Variants in DHRS9 observed in about 807,000 individuals in gnomAD.
The protein encoded by DHRS9 is dehydrogenase/reductase SDR family member 9.
Under a neutral mutation model 26.6 loss-of-function variants are expected in DHRS9, and 18 were observed. The observed-to-expected ratio is 0.68, with a 90% CI of 0.47 to 1.00. The LOEUF is 1.00. Among genes scored for constraint, DHRS9 ranks in the 50% least tolerant of loss-of-function variants. DHRS9 has a pLI of 0.00. For missense variants in DHRS9, 425 were observed against 378.7 expected, an observed-to-expected ratio of 1.12 and a Z score of -1.01; for synonymous variants, 134 against 141.1, an observed-to-expected ratio of 0.95 and a Z score of 0.36.
At chr2:169,068,498 G>A (rs964607038), upstream of DHRS9, among the ~76,000 whole-genome samples, 1 of 152,050 alleles carries the variant, frequency 6.6e-6, no homozygotes, top group Non-Finnish European at 1.5e-5. Context: ...CTAATTTTTT[G>A]TATTTTTAGT....
At chr2:169,069,983 T>G (rs966650388) in intron 1 of DHRS9, 4 of 735,774 alleles carry the variant, frequency 5.4e-6, no homozygotes, top group Admixed American at 6.3e-5. Context: ...GTGTCCCAAT[T>G]CAATTCATAT....
At chr2:169,069,790 C>A in intron 1 of DHRS9, 73 bp downstream of exon 1, 1 of 974,872 alleles carries the variant, frequency 1.0e-6, no homozygotes, top group Non-Finnish European at 1.2e-6. Context: ...ATTTTCCTCA[C>A]TCTTGCAGAA....
Position 169,095,603 on chromosome 2 carries a change from G to C in DHRS9, c.796G>C (p.Glu266Gln). 2 of 1,613,968 alleles carry C rather than the reference G, an allele frequency of 1.2e-6. No homozygotes were observed. Among genetic ancestry groups the C allele is most frequent in the African/African-American group, 1.3e-5 (1 of 75,012 alleles). Residue 266 changes from glutamate (E) to glutamine (Q), a missense_variant, in exon 5 of 5, where the codon GAG (glutamate) becomes CAG (glutamine). Transcript: ENST00000674881. The stretch of plus-strand genomic sequence containing the variant: ...GAACATGGACCTCTCTCCGGTGGTA[G>C]AGTGCATGGACCACGCTCTAACAAG... ...YVNMDLSPVV[E>Q]CMDHALTSLF...
rs1684682865 is a variant in DHRS9 at position 169,095,822 on chromosome 2, C to T, written c.*55C>T. 6.7e-7 allele frequency: 1 copy of T among 1,491,492 alleles called. No individual in the cohort carries two copies. The highest frequency in any genetic ancestry group is 1.4e-5 in the African/African-American group (1 of 72,140). 92.4% of individuals were successfully genotyped at this position (1,491,492 alleles called of 1,614,324 possible). A position where few individuals can be genotyped will look rare whatever the true frequency, so the allele number is the denominator to read the frequency against. ...CTATGAAATTGGCCGATTTCAAGAACACATCTCCTTTTCAACCCCATTCCT... is the reference window on the plus strand; with the variant it reads ...CTATGAAATTGGCCGATTTCAAGAATACATCTCCTTTTCAACCCCATTCCT... On this transcript the variant is annotated 3_prime_UTR_variant, in exon 5 of 5. Transcript: ENST00000674881.
At chr2:169,088,137 T>A (rs1395448743) in intron 3 of DHRS9, among the ~76,000 whole-genome samples, 1 of 152,210 alleles carries the variant, frequency 6.6e-6, no homozygotes, top group Non-Finnish European at 1.5e-5. Context: ...GCCCACACTG[T>A]TGAGGCTTGC....
intron 3 of DHRS9, among the ~76,000 whole-genome samples, chr2:169,091,293 A>C (rs1684517600): frequency 7.5e-6 from 1 of 133,882 alleles, no homozygotes; most frequent in South Asian, 2.4e-4. Flanking sequence ...AAATAAAATA[A>C]AATAAAACTT....
At chr2:169,076,570 C>G (rs1683968718) in intron 1 of DHRS9, among the ~76,000 whole-genome samples, 1 of 152,158 alleles carries the variant, frequency 6.6e-6, no homozygotes, top group Non-Finnish European at 1.5e-5. Context: ...CATACTGATT[C>G]TTCCAACTAT....
intron 1 of DHRS9, among the ~76,000 whole-genome samples, chr2:169,077,293 C>A (rs867493692): frequency 6.6e-6 from 1 of 152,124 alleles, no homozygotes; most frequent in African/African-American, 2.4e-5. Flanking sequence ...ACTACAGCTA[C>A]CTCAGAAGTG....
intron 4 of DHRS9, among the ~76,000 whole-genome samples, chr2:169,092,615 T>C (rs1030779477): frequency 3.5e-4 from 53 of 152,178 alleles, no homozygotes; most frequent in African/African-American, 1.2e-3. Context: ...TAAGCCCTAA[T>C]GGGGCAGGTC....
chr2:169,081,970 T>G, intron 2 of DHRS9, 76 bp downstream of exon 2: 2 of 1,411,200 alleles, frequency 1.4e-6, no homozygotes, highest in Non-Finnish European at 1.9e-6. Context: ...TAAAACATGC[T>G]CAAGTTTTAA....
intron 4 of DHRS9, among the ~76,000 whole-genome samples, chr2:169,093,828 G>A (rs1436529140): frequency 6.6e-6 from 1 of 152,176 alleles, no homozygotes; most frequent in East Asian, 1.9e-4. Flanking sequence ...GGGATAGTAG[G>A]AGTTTAAAAT....
intron 1 of DHRS9, among the ~76,000 whole-genome samples, chr2:169,079,506 A>G (rs1047835032): frequency 5.9e-5 from 9 of 152,154 alleles, no homozygotes; most frequent in African/African-American, 2.2e-4. Context: ...AGCAGAAAAA[A>G]ATAAATGATT....
intron 3 of DHRS9, among the ~76,000 whole-genome samples, chr2:169,090,917 C>T (rs1434098822): frequency 2.0e-5 from 3 of 152,202 alleles, no homozygotes; most frequent in Non-Finnish European, 4.4e-5. Flanking sequence ...CCGTTGCAAT[C>T]ACAGGGCAAA....
At chr2:169,090,981 G>A (rs185473737) in intron 3 of DHRS9, among the ~76,000 whole-genome samples, 2 of 152,268 alleles carry the variant, frequency 1.3e-5, no homozygotes. Context: ...CCCATTGTGG[G>A]CCAATGTAAG....
rs767359351 is a variant in DHRS9 at position 169,083,290 on chromosome 2, C to T, written c.314-39C>T. 6 of 1,596,756 alleles carry T rather than the reference C, an allele frequency of 3.8e-6. No homozygotes were observed. The South Asian group carries it at 5.5e-5, about 15-fold the overall frequency. ...TTTCATCAAAGGTGGCAAATAAGTA[C>T]TGTCTTACCACACCTCTTTTCCTTC... On this transcript the variant is annotated intron_variant, in intron 2 of 4. Coordinates refer to ENST00000674881, the MANE Select transcript of DHRS9 (RefSeq NM_001376924.1).
intron 3 of DHRS9, among the ~76,000 whole-genome samples, chr2:169,091,275 A>ACT (rs1684515532): frequency 7.0e-6 from 1 of 143,642 alleles, no homozygotes; most frequent in Non-Finnish European, 1.5e-5. Context: ...ATAAAATAAA[A>ACT]TAAAATAAAA....
chr2:169,095,592 C>T lies in DHRS9; in HGVS notation c.785C>T (p.Ser262Phe), dbSNP rs1266292418. ...GNKSYVNMDL[S>F]PVVECMDHAL... is the part of the protein sequence containing the mutation. ...AAATCCTATGTGAACATGGACCTCT[C>T]TCCGGTGGTAGAGTGCATGGACCAC... The change falls in exon 5 of 5, where the codon TCT becomes TTT. Residue 262 changes from serine (S) to phenylalanine (F), a missense_variant. By Grantham distance (155) the Ser-to-Phe change is radical (BLOSUM62 -2). Transcript: ENST00000674881. 1 of 1,613,982 alleles carries T rather than the reference C, an allele frequency of 6.2e-7. No homozygotes were observed. Among genetic ancestry groups the T allele is most frequent in the Non-Finnish European group, 8.5e-7 (1 of 1,179,904 alleles).
intron 3 of DHRS9, among the ~76,000 whole-genome samples, chr2:169,088,389 C>A (rs1054261820): frequency 6.6e-6 from 1 of 152,218 alleles, no homozygotes; most frequent in African/African-American, 2.4e-5. Context: ...GTAGCATCAA[C>A]AATTCAAGAC....
intron 4 of DHRS9, among the ~76,000 whole-genome samples, chr2:169,094,520 A>G (rs1684633471): frequency 7.0e-6 from 1 of 143,310 alleles, no homozygotes; most frequent in Non-Finnish European, 1.5e-5. Flanking sequence ...GTCAAGAAGT[A>G]TTTCCTTTAT....
Sources: gnomAD v4.1 joint callset for allele counts (sites outside exome capture counted in the v4.1 genomes callset) on GRCh38, gnomAD v4.1.1 for gene constraint, MANE v1.5 for transcripts, NCBI Gene and HGNC (gene_info 2026-07-23, HGNC 2026-07-21) for gene names.